The following VWA3B variants were observed in gnomAD, a reference collection of about 807,000 sequenced individuals.
VWA3B encodes von Willebrand factor A domain-containing protein 3B.
In VWA3B, 138 loss-of-function variants were observed where a neutral mutation model predicts 158.3. That is an observed-to-expected ratio of 0.87 (90% CI 0.76 to 1.00). The LOEUF (loss-of-function observed/expected upper bound fraction) is 1.00, where lower values mean the gene tolerates loss of function less well. Among genes scored for constraint, VWA3B ranks in the 50% least tolerant of loss-of-function variants. VWA3B has a pLI of 0.00. For synonymous variants in VWA3B, 596 were observed against 587.3 expected, an observed-to-expected ratio of 1.01 and a Z score of -0.21; for missense variants, 1,555 against 1,565.1, an observed-to-expected ratio of 0.99 and a Z score of 0.11.
At chr2:98,154,968 G>A (rs1242372739) in intron 7 of VWA3B, among the ~76,000 whole-genome samples, 1 of 152,204 alleles carries the variant, frequency 6.6e-6, no homozygotes, top group African/African-American at 2.4e-5. Flanking sequence ...CTATTTGGAA[G>A]TCTCGACCAG....
chr2:98,256,186 C>T lies in VWA3B; in HGVS notation c.2843+12C>T. 2 of 1,575,442 alleles carry T rather than the reference C, an allele frequency of 1.3e-6. No individual in the cohort carries two copies. The highest frequency in any genetic ancestry group is 8.6e-7 in the Non-Finnish European group (1 of 1,168,568). On this transcript the variant is annotated intron_variant, in intron 21 of 27. Transcript: ENST00000477737. ...GAGGAAAAAGAAAAGTAAGCCATTC[C>T]ATTCCCTCCTCACTTTTTTTTTTTG...
At chr2:98,297,814 G>A (rs1689903812) in intron 23 of VWA3B, 93 bp from the exon 24 acceptor site, 1 of 1,381,704 alleles carries the variant, frequency 7.2e-7, no homozygotes, top group South Asian at 1.8e-5. Flanking sequence ...CAGGCAAAGT[G>A]TTATAACTCA....
intron 2 of VWA3B, among the ~76,000 whole-genome samples, chr2:98,108,720 CTT>C (rs1211530153): frequency 1.3e-5 from 2 of 151,658 alleles, no homozygotes; most frequent in African/African-American, 2.4e-5. Flanking sequence ...TTACTTTTAA[CTT>C]ATATATATAA....
At chr2:98,180,058 TTCTC>T (rs545887756) in intron 8 of VWA3B, among the ~76,000 whole-genome samples, 1 of 149,586 alleles carries the variant, frequency 6.7e-6, no homozygotes. Flanking sequence ...CTCCCTCCTT[TTCTC>T]TCTTTCTCTC....
At chr2:98,094,676 G>A (rs1016669525) in intron 2 of VWA3B, among the ~76,000 whole-genome samples, 1 of 151,924 alleles carries the variant, frequency 6.6e-6, no homozygotes, top group African/African-American at 2.4e-5. Context: ...TGCTTTTGAG[G>A]TCATATCCAA....
intron 10 of VWA3B, among the ~76,000 whole-genome samples, chr2:98,191,145 T>C (rs1215351452): frequency 1.3e-5 from 2 of 152,382 alleles, no homozygotes; most frequent in Non-Finnish European, 2.9e-5. Flanking sequence ...CCATGCAGTG[T>C]ATTTTAAATT....
chr2:98,094,082 A>T (rs1380925862), intron 2 of VWA3B, among the ~76,000 whole-genome samples: 2 of 152,196 alleles, frequency 1.3e-5, no homozygotes, highest in Admixed American at 6.5e-5. Flanking sequence ...GGCTATTGTG[A>T]ATAGTGCTGC....
chr2:98,119,572 G>C lies in VWA3B; in HGVS notation c.351G>C (p.Glu117Asp), dbSNP rs1422820169. The change falls in exon 4 of 28, where the codon GAG (glutamate) becomes GAC (aspartate). Residue 117 changes from glutamate (E) to aspartate (D), a missense_variant. Transcript: ENST00000477737. ...TGGAACATTTAACACAAGCTGTGGA[G>C]AGCTACAAGCAGCGAATGGACTGGC... ...QFVEHLTQAVESYKQRMDWLT... is the reference protein window; with the variant it reads ...QFVEHLTQAVDSYKQRMDWLT... The C allele has an allele frequency of 6.2e-7, 1 of 1,614,042 alleles. No individual in the cohort carries two copies.
chr2:98,300,217 G>A lies in VWA3B; in HGVS notation c.3420+1G>A, dbSNP rs1690092294. 3.1e-6 allele frequency: 5 copies of A among 1,613,946 alleles called. No homozygotes were observed. Among genetic ancestry groups the A allele is most frequent in the South Asian group, 1.1e-5 (1 of 90,944 alleles). On this transcript the variant is annotated splice_donor_variant, in intron 25 of 27. Coordinates refer to ENST00000477737, the MANE Select transcript of VWA3B (RefSeq NM_144992.5). LOFTEE classifies it high-confidence loss of function. Reference sequence around the variant, plus strand: ...AGTTTTGAAGTGTAACAACCGGAGAGTAAGTAGATTTTCATTTAGAAAAGG... The same window carrying A: ...AGTTTTGAAGTGTAACAACCGGAGAATAAGTAGATTTTCATTTAGAAAAGG...
intron 13 of VWA3B, among the ~76,000 whole-genome samples, chr2:98,216,517 G>C (rs1321426936): frequency 1.3e-5 from 2 of 152,258 alleles, no homozygotes; most frequent in Non-Finnish European, 2.9e-5. Flanking sequence ...TGCACAAACA[G>C]ACCTCCTTCC....
At chr2:98,245,300 C>G (rs945392362) in intron 19 of VWA3B, 5 of 276,782 alleles carry the variant, frequency 1.8e-5, no homozygotes, top group African/African-American at 4.4e-5. Context: ...CACTTGCTTT[C>G]TTACAGAAGC....
chr2:98,325,220 G>A, the VWA3B span, among the ~76,000 whole-genome samples: 71 of 151,184 alleles, frequency 4.7e-4, no homozygotes, highest in East Asian at 7.4e-3. Flanking sequence ...AAATCATTCC[G>A]TCATAGTCAC....
In VWA3B at chr2:98,250,443, A is replaced by G. The variant is rs753502448; in HGVS notation, c.2792+7A>G. 4 of 1,596,404 alleles carry G rather than the reference A, an allele frequency of 2.5e-6. No homozygotes were observed. The highest frequency in any genetic ancestry group is 2.6e-6 in the Non-Finnish European group (3 of 1,168,008). ...CAATTCAATCCTATGAAAAGTGAGT[A>G]TTACTCTTGGCTGCTCTTTAATGGA... On this transcript the variant is annotated splice_region_variant and intron_variant, in intron 20 of 27. Transcript: ENST00000477737.
At chr2:98,129,224 A>AGAGTGTGT (rs1370543551) in intron 6 of VWA3B, among the ~76,000 whole-genome samples, 51 of 124,658 alleles carry the variant, frequency 4.1e-4, no homozygotes, top group East Asian at 3.3e-3. Context: ...AGAGAGAGAG[A>AGAGTGTGT]GTGTGTGTGT....
At chr2:98,306,723 G>T (rs1690544849) in intron 26 of VWA3B, among the ~76,000 whole-genome samples, 1 of 152,130 alleles carries the variant, frequency 6.6e-6, no homozygotes, top group African/African-American at 2.4e-5. Flanking sequence ...GCAAATCCTT[G>T]TATGTTGAGA....
chr2:98,303,779 C>G lies in VWA3B; in HGVS notation c.3498C>G (p.Pro1166=), dbSNP rs370286887. The G allele has an allele frequency of 1.9e-6, 3 of 1,614,104 alleles. No individual in the cohort carries two copies. Among genetic ancestry groups the G allele is most frequent in the Non-Finnish European group, 2.5e-6 (3 of 1,179,994 alleles). The stretch of plus-strand genomic sequence containing the variant: ...TCTCTTGCTCTCATATAAAGTCACC[C>G]CCAATTCCTGAGGATCCAGAAGTGT... The part of the protein sequence containing the change: ...YALSCSHIKS[P]PIPEDPEVED... Residue 1166 remains proline, a synonymous_variant, in exon 26 of 28, where the codon CCC becomes CCG. Coordinates refer to ENST00000477737, the MANE Select transcript of VWA3B (RefSeq NM_144992.5).
chr2:98,178,339 C>G (rs946912239), intron 8 of VWA3B, among the ~76,000 whole-genome samples: 1 of 152,138 alleles, frequency 6.6e-6, no homozygotes, highest in East Asian at 1.9e-4. Context: ...TTTGAGAAGT[C>G]CCCACTCTAG....
intron 24 of VWA3B, 139 bp downstream of exon 24, chr2:98,298,170 A>G: frequency 8.5e-7 from 1 of 1,174,628 alleles, no homozygotes; most frequent in Non-Finnish European, 1.1e-6. Context: ...GGCAGGAAGA[A>G]CAATGGCCCC....
chr2:98,281,005 C>T (rs1688845942), intron 22 of VWA3B, among the ~76,000 whole-genome samples: 1 of 152,216 alleles, frequency 6.6e-6, no homozygotes, highest in South Asian at 2.1e-4. Flanking sequence ...AGTGCAAATG[C>T]CCTGGGAAGG....
Sources: gnomAD v4.1 joint callset for allele counts (sites outside exome capture counted in the v4.1 genomes callset) on GRCh38, gnomAD v4.1.1 for gene constraint, MANE v1.5 for transcripts, NCBI Gene and HGNC (gene_info 2026-07-23, HGNC 2026-07-21) for gene names.